BACH2: variants seen among roughly 807,000 people sequenced by gnomAD.
BACH2 encodes the protein transcription regulator protein BACH2.
BACH2 carries 5 observed loss-of-function variants against 61.8 expected under a neutral mutation model. The observed-to-expected ratio is 0.08, with a 90% CI of 0.04 to 0.17. The LOEUF (loss-of-function observed/expected upper bound fraction) is 0.17. Ranked by LOEUF, BACH2 falls within the 10% of genes least tolerant of loss-of-function variation. The pLI, the probability that BACH2 is intolerant of heterozygous loss-of-function variation, is 1.00. For synonymous variants in BACH2, 446 were observed against 440.1 expected, an observed-to-expected ratio of 1.01 and a Z score of -0.17; for missense variants, 824 against 1,091.1, an observed-to-expected ratio of 0.76 and a Z score of 3.45.
intron 1 of BACH2, among the ~76,000 whole-genome samples, chr6:90,280,935 C>T (rs1396974189): frequency 2.0e-5 from 3 of 152,250 alleles, no homozygotes; most frequent in Non-Finnish European, 4.4e-5. Flanking sequence ...ATCTCCTCTT[C>T]TCCATGTTGA....
intron 6 of BACH2, among the ~76,000 whole-genome samples, chr6:90,005,295 G>A (rs1336482607): frequency 2.6e-5 from 4 of 152,172 alleles, no homozygotes; most frequent in African/African-American, 9.7e-5. Context: ...GAGGAGCACA[G>A]CGGTTGGCTG....
At position 90,244,621 on chromosome 6, in the gene BACH2, T is replaced by G. The variant is rs562019792; in HGVS notation, c.-275+7892A>C. ...CCTCCCCCCTTCACACGCGCACACATGCGCACACACGCACACAAATACTCG... is the reference window on the plus strand; with the variant it reads ...CCTCCCCCCTTCACACGCGCACACAGGCGCACACACGCACACAAATACTCG... On this transcript the variant is annotated intron_variant, in intron 3 of 8. Coordinates refer to ENST00000257749, the MANE Select transcript of BACH2 (RefSeq NM_021813.4). Among the ~76,000 whole-genome samples the G allele has an allele frequency of 5.3e-5, 8 of 151,278 alleles. No homozygotes were observed. The South Asian group carries it at 1.7e-3, about 31-fold the overall frequency.
At chr6:89,934,704 G>C (rs909791451) in intron 8 of BACH2, among the ~76,000 whole-genome samples, 1 of 151,984 alleles carries the variant, frequency 6.6e-6, no homozygotes, top group African/African-American at 2.4e-5. Context: ...GAGGAGATGG[G>C]GTTCCATGAG....
chr6:90,197,726 C>T (rs1768806790), intron 4 of BACH2, among the ~76,000 whole-genome samples: 1 of 152,156 alleles, frequency 6.6e-6, no homozygotes, highest in South Asian at 2.1e-4. Context: ...CCTACCAGTT[C>T]AATCAACATG....
intron 6 of BACH2, among the ~76,000 whole-genome samples, chr6:90,003,187 C>T (rs953959847): frequency 1.3e-5 from 2 of 152,192 alleles, no homozygotes; most frequent in African/African-American, 4.8e-5. Context: ...ACCAATCGCT[C>T]AGTGAGGTGC....
intron 5 of BACH2, chr6:90,080,898 G>A (rs1020375712): frequency 2.2e-6 from 1 of 446,312 alleles, no homozygotes; most frequent in Non-Finnish European, 3.0e-6. Context: ...AATCTTTTTT[G>A]GGTGATAGTC....
chr6:90,232,424 T>C (rs1212110587), intron 3 of BACH2, among the ~76,000 whole-genome samples: 1 of 152,242 alleles, frequency 6.6e-6, no homozygotes, highest in African/African-American at 2.4e-5. Flanking sequence ...TGTATTTATT[T>C]TTCTTTTCTC....
intron 5 of BACH2, among the ~76,000 whole-genome samples, chr6:90,076,153 T>C (rs775640768): frequency 1.3e-5 from 2 of 152,216 alleles, no homozygotes; most frequent in Non-Finnish European, 2.9e-5. Context: ...ATACAATCTG[T>C]TTCCCTTAGG....
At chr6:90,145,060 A>G (rs1408203828) in intron 4 of BACH2, among the ~76,000 whole-genome samples, 2 of 152,108 alleles carry the variant, frequency 1.3e-5, no homozygotes, top group Non-Finnish European at 2.9e-5. Context: ...AATAAACCAC[A>G]TATAAACTGA....
At chr6:90,030,732 A>C (rs937548681) in intron 5 of BACH2, among the ~76,000 whole-genome samples, 1 of 151,880 alleles carries the variant, frequency 6.6e-6, no homozygotes, top group African/African-American at 2.4e-5. Flanking sequence ...AACCAAAAAA[A>C]GTCCAGGACC....
At chr6:90,090,378 G>C (rs1782110713) in intron 4 of BACH2, among the ~76,000 whole-genome samples, 1 of 151,992 alleles carries the variant, frequency 6.6e-6, no homozygotes, top group African/African-American at 2.4e-5. Context: ...TGCATGAAAG[G>C]GCATAAACTT....
intron 1 of BACH2, among the ~76,000 whole-genome samples, chr6:90,282,458 A>G (rs973241761): frequency 1.3e-5 from 2 of 152,146 alleles, no homozygotes; most frequent in African/African-American, 4.8e-5. Flanking sequence ...CCCCAGCTCC[A>G]TCTATGTCCC....
At chr6:89,965,845 G>C (rs1393076950) in intron 6 of BACH2, among the ~76,000 whole-genome samples, 2 of 152,180 alleles carry the variant, frequency 1.3e-5, no homozygotes, top group Non-Finnish European at 2.9e-5. Flanking sequence ...CAATAGCCTT[G>C]AGAACCCAGG....
intron 5 of BACH2, among the ~76,000 whole-genome samples, chr6:90,064,832 T>G (rs1780862056): frequency 6.6e-6 from 1 of 152,220 alleles, no homozygotes; most frequent in South Asian, 2.1e-4. Context: ...CATCATTGTA[T>G]CCCAGCACCT....
intron 5 of BACH2, among the ~76,000 whole-genome samples, chr6:90,027,808 A>G (rs1431145165): frequency 2.0e-5 from 3 of 152,238 alleles, no homozygotes; most frequent in Non-Finnish European, 4.4e-5. Flanking sequence ...ATGAAGCAAT[A>G]AAGTATTTAG....
intron 3 of BACH2, among the ~76,000 whole-genome samples, chr6:90,209,330 G>C (rs905423889): frequency 6.6e-6 from 1 of 151,990 alleles, no homozygotes; most frequent in East Asian, 1.9e-4. Context: ...ATGATGCCTG[G>C]GTAATCATGG....
intron 4 of BACH2, among the ~76,000 whole-genome samples, chr6:90,201,512 A>G (rs1373187237): frequency 6.6e-6 from 1 of 151,958 alleles, no homozygotes; most frequent in African/African-American, 2.4e-5. Flanking sequence ...CCCATTTTCT[A>G]TTAGTGTAAT....
At chr6:90,090,921 C>A (rs1255161471) in intron 4 of BACH2, among the ~76,000 whole-genome samples, 3 of 152,116 alleles carry the variant, frequency 2.0e-5, no homozygotes, top group African/African-American at 7.2e-5. Flanking sequence ...AAGACAAAAT[C>A]AAATCAGAAT....
In BACH2 at chr6:90,015,061, C is replaced by T. The variant is rs1243244641; in HGVS notation, c.-12-6205G>A. 4.0e-5 allele frequency among the ~76,000 whole-genome samples: 6 copies of T among 151,706 alleles called. 1 individual carries two copies. Among genetic ancestry groups the T allele is most frequent in the Non-Finnish European group, 2.9e-5 (2 of 67,942 alleles). On this transcript the variant is annotated intron_variant, in intron 5 of 8. Transcript: ENST00000257749. ...CCCCACAAAGCACTGGGATTACAGG[C>T]GTGAGCCACCACACCCAGCCCATAT...
Sources: gnomAD v4.1 joint callset for allele counts (sites outside exome capture counted in the v4.1 genomes callset) on GRCh38, gnomAD v4.1.1 for gene constraint, MANE v1.5 for transcripts, NCBI Gene and HGNC (gene_info 2026-07-23, HGNC 2026-07-21) for gene names.